The following MSR1 variants were observed in gnomAD, a reference collection of about 807,000 sequenced individuals.
The protein encoded by MSR1 is macrophage scavenger receptor types I and II.
Under a neutral mutation model 47.2 loss-of-function variants are expected in MSR1, and 53 were observed. The observed-to-expected ratio is 1.12, with a 90% CI of 0.90 to 1.41. MSR1 has a LOEUF of 1.41. Ranked by LOEUF, MSR1 falls within the 40% of genes most tolerant of loss-of-function variation. The pLI, the probability that MSR1 is intolerant of heterozygous loss-of-function variation, is 0.00. For missense variants in MSR1, 786 were observed against 546.9 expected (o/e 1.44, Z -4.36); for synonymous variants, 239 against 185.6 (o/e 1.29, Z -2.34).
At chr8:16,134,958 G>C (rs1320161617) in intron 8 of MSR1, among the ~76,000 whole-genome samples, 2 of 152,144 alleles carry the variant, frequency 1.3e-5, no homozygotes, top group African/African-American at 4.8e-5. Context: ...GGCTGAGAAA[G>C]GTGAGGAAAC....
At chr8:16,128,255 G>A (rs921298422) in intron 8 of MSR1, among the ~76,000 whole-genome samples, 10 of 152,088 alleles carry the variant, frequency 6.6e-5, no homozygotes, top group Admixed American at 2.0e-4. Flanking sequence ...GTACTGAATT[G>A]TGTCGCTCCA....
chr8:16,191,656 G>A (rs1346529506), intron 1 of MSR1, among the ~76,000 whole-genome samples: 1 of 152,084 alleles, frequency 6.6e-6, no homozygotes, highest in Non-Finnish European at 1.5e-5. Context: ...CTAGGGAGCA[G>A]GGGAGCTGGA....
intron 8 of MSR1, among the ~76,000 whole-genome samples, chr8:16,142,434 A>G (rs954181899): frequency 2.0e-5 from 3 of 152,130 alleles, no homozygotes; most frequent in African/African-American, 7.2e-5. Context: ...AGACAGATTA[A>G]TGTTTCTATT....
At chr8:16,113,889 C>G in intron 9 of MSR1, among the ~76,000 whole-genome samples, 1 of 83,256 alleles carries the variant, frequency 1.2e-5, no homozygotes, top group South Asian at 4.5e-4. Flanking sequence ...TCTTCCCACT[C>G]CCACCCACCC....
intron 1 of MSR1, among the ~76,000 whole-genome samples, chr8:16,190,330 T>C (rs1219494549): frequency 1.3e-5 from 2 of 152,218 alleles, no homozygotes; most frequent in African/African-American, 2.4e-5. Context: ...TTTAAAAAGA[T>C]AACATAAATT....
At chr8:16,147,620 T>G (rs1399943145) in intron 7 of MSR1, among the ~76,000 whole-genome samples, 2 of 152,146 alleles carry the variant, frequency 1.3e-5, no homozygotes, top group Non-Finnish European at 2.9e-5. Flanking sequence ...TATTTCATAT[T>G]TGACAATTAT....
intron 1 of MSR1, among the ~76,000 whole-genome samples, chr8:16,185,136 G>C (rs955015612): frequency 8.3e-6 from 1 of 119,900 alleles, no homozygotes; most frequent in South Asian, 3.3e-4. Flanking sequence ...TGCACGAAAT[G>C]TTGGTATGTA....
chr8:16,142,127 G>A (rs1800574228), intron 8 of MSR1, among the ~76,000 whole-genome samples: 2 of 151,930 alleles, frequency 1.3e-5, no homozygotes, highest in East Asian at 1.9e-4. Flanking sequence ...TCAGGGGATC[G>A]AGACCAGCCT....
chr8:16,167,608 G>T (rs1005362959), intron 4 of MSR1, among the ~76,000 whole-genome samples: 4 of 152,078 alleles, frequency 2.6e-5, no homozygotes, highest in African/African-American at 9.7e-5. Flanking sequence ...TTAATGCACT[G>T]CCAGAATCAA....
At chr8:16,189,263 T>A (rs1802096064) in intron 1 of MSR1, among the ~76,000 whole-genome samples, 1 of 139,240 alleles carries the variant, frequency 7.2e-6, no homozygotes, top group Non-Finnish European at 1.5e-5. Flanking sequence ...AATCTTATTT[T>A]ATTTATATTT....
Position 16,109,619 on chromosome 8 carries a change from T to C in MSR1, c.*466A>G, listed in dbSNP as rs1799710702. On this transcript the variant is annotated 3_prime_UTR_variant, in exon 10 of 10. Transcript: ENST00000262101. ...ATAACATTCTTATTTTAAAACAATA[T>C]GTGTGGATTGGAGATTTTGCAATCT... The C allele has an allele frequency of 5.7e-6, 1 of 174,350 alleles. No individual in the cohort carries two copies. The highest frequency in any genetic ancestry group is 5.5e-5 in the Admixed American group (1 of 18,104). The allele number at this position is 174,350 out of a possible 1,614,324, so 10.8% of individuals were successfully genotyped here.
intron 8 of MSR1, among the ~76,000 whole-genome samples, chr8:16,141,738 T>C (rs914068897): frequency 1.3e-5 from 2 of 152,076 alleles, no homozygotes; most frequent in African/African-American, 4.8e-5. Context: ...TGAAAACATT[T>C]CTGAACATAT....
chr8:16,130,843 G>A (rs994861324), intron 8 of MSR1, among the ~76,000 whole-genome samples: 28 of 151,922 alleles, frequency 1.8e-4, no homozygotes, highest in African/African-American at 6.5e-4. Context: ...GGTATTCCAC[G>A]GTGTATATGT....
At chr8:16,145,569 T>C (rs1800674633) in intron 7 of MSR1, among the ~76,000 whole-genome samples, 1 of 152,150 alleles carries the variant, frequency 6.6e-6, no homozygotes. Flanking sequence ...GCCAGAGACA[T>C]GCTTGACCCA....
At chr8:16,182,473 T>C (rs1801861892) in intron 1 of MSR1, among the ~76,000 whole-genome samples, 1 of 152,192 alleles carries the variant, frequency 6.6e-6, no homozygotes, top group Non-Finnish European at 1.5e-5. Context: ...TACTCTTTTA[T>C]AATAACACCT....
chr8:16,140,879 C>A (rs940732611), intron 8 of MSR1: 1 of 1,603,202 alleles, frequency 6.2e-7, no homozygotes, highest in Non-Finnish European at 8.5e-7. Context: ...AACACGGGAA[C>A]CAAAGTCATT....
At chr8:16,150,493 A>G (rs1800825932) in intron 6 of MSR1, among the ~76,000 whole-genome samples, 182 bp from the exon 7 acceptor site, 1 of 151,990 alleles carries the variant, frequency 6.6e-6, no homozygotes, top group Non-Finnish European at 1.5e-5. Context: ...ATAAATATAA[A>G]CCTTAGTACA....
chr8:16,141,355 T>C (rs1563149206), intron 8 of MSR1, among the ~76,000 whole-genome samples: 1 of 152,186 alleles, frequency 6.6e-6, no homozygotes. Flanking sequence ...GCATTGTTTA[T>C]TAAAGTCTGA....
At chr8:16,182,118 T>A (rs964648192) in intron 1 of MSR1, among the ~76,000 whole-genome samples, 5 of 152,194 alleles carry the variant, frequency 3.3e-5, no homozygotes, top group Admixed American at 6.5e-5. Context: ...CACACCTATA[T>A]AGCATGTTAT....
Sources: allele counts gnomAD v4.1 joint callset (sites outside exome capture counted in the v4.1 genomes callset), GRCh38; gene constraint gnomAD v4.1.1; transcripts MANE v1.5; gene names NCBI Gene and HGNC (gene_info 2026-07-23, HGNC 2026-07-21).